Variants in LRBA observed in about 807,000 individuals in gnomAD.
LRBA encodes the protein lipopolysaccharide-responsive and beige-like anchor protein.
In LRBA, 176 loss-of-function variants were observed where a neutral mutation model predicts 330.0. That is an observed-to-expected ratio of 0.53 (90% CI 0.47 to 0.60). LRBA has a LOEUF of 0.60. LRBA is among the 20% of genes least tolerant of loss of function. The pLI is 0.00. For missense variants in LRBA, 3,259 were observed against 3,444.8 expected, an observed-to-expected ratio of 0.95 and a Z score of 1.35; for synonymous variants, 1,230 against 1,193.0, an observed-to-expected ratio of 1.03 and a Z score of -0.64.
chr4:150,838,222 C>T (rs566165695), intron 28 of LRBA, among the ~76,000 whole-genome samples: 1 of 152,170 alleles, frequency 6.6e-6, no homozygotes, highest in Non-Finnish European at 1.5e-5. Flanking sequence ...CTGCCCTTAA[C>T]ATTTTTTCCT....
chr4:150,562,253 G>A (rs928946687), intron 40 of LRBA, among the ~76,000 whole-genome samples: 19 of 152,108 alleles, frequency 1.2e-4, no homozygotes, highest in African/African-American at 4.6e-4. Context: ...TTCCATTGTT[G>A]CTGAGTATTC....
At chr4:150,954,654 G>A (rs1181535985) in intron 2 of LRBA, among the ~76,000 whole-genome samples, 3 of 149,926 alleles carry the variant, frequency 2.0e-5, no homozygotes, top group African/African-American at 7.6e-5. Context: ...CCTCTGCCTA[G>A]GAAAACCAGA....
At chr4:150,396,301 G>A (rs945521832) in intron 47 of LRBA, among the ~76,000 whole-genome samples, 15 of 152,110 alleles carry the variant, frequency 9.9e-5, no homozygotes, top group South Asian at 4.1e-4. Context: ...CCTACTCCTG[G>A]GAATTTAGGC....
intron 28 of LRBA, among the ~76,000 whole-genome samples, chr4:150,837,513 C>T (rs1748312493): frequency 1.3e-5 from 2 of 152,150 alleles, no homozygotes; most frequent in African/African-American, 2.4e-5. Context: ...GGATAGTTAG[C>T]TCTTCTTGTT....
intron 44 of LRBA, among the ~76,000 whole-genome samples, chr4:150,442,642 T>C (rs1751990873): frequency 6.6e-6 from 1 of 152,066 alleles, no homozygotes; most frequent in South Asian, 2.1e-4. Flanking sequence ...TCCCTAAAAG[T>C]AGGGTAGGCC....
chr4:150,632,169 T>TGCAGTGA (rs2126674346), intron 37 of LRBA, among the ~76,000 whole-genome samples: 1 of 151,320 alleles, frequency 6.6e-6, no homozygotes, highest in South Asian at 2.1e-4. Flanking sequence ...AGGCAGAGGT[T>TGCAGTGA]GCAGTGAGCA....
intron 40 of LRBA, among the ~76,000 whole-genome samples, chr4:150,563,753 G>C (rs1157260631): frequency 6.6e-6 from 1 of 152,044 alleles, no homozygotes; most frequent in Non-Finnish European, 1.5e-5. Context: ...GACAAACAGA[G>C]AGCCAAATCA....
chr4:150,767,753 T>C (rs1264013257), intron 34 of LRBA, among the ~76,000 whole-genome samples: 2 of 44,142 alleles, frequency 4.5e-5, no homozygotes, highest in Admixed American at 2.4e-4. Context: ...GCGAGACTTG[T>C]TGCAAAAAAA....
intron 2 of LRBA, among the ~76,000 whole-genome samples, chr4:150,943,966 G>A (rs1735955811): frequency 6.6e-6 from 1 of 152,138 alleles, no homozygotes; most frequent in East Asian, 1.9e-4. Flanking sequence ...TCAGTGAGAG[G>A]CTCACTTAGA....
At chr4:150,593,537 A>C (rs934205701) in intron 38 of LRBA, among the ~76,000 whole-genome samples, 2 of 152,212 alleles carry the variant, frequency 1.3e-5, no homozygotes, top group African/African-American at 4.8e-5. Context: ...CTTAGATGTA[A>C]GAAACAGAAA....
intron 48 of LRBA, among the ~76,000 whole-genome samples, chr4:150,345,731 TTA>T (rs1174738502): frequency 1.3e-5 from 2 of 152,242 alleles, no homozygotes; most frequent in African/African-American, 4.8e-5. Flanking sequence ...GTTCATTCTA[TTA>T]TATCAAACTG....
intron 47 of LRBA, among the ~76,000 whole-genome samples, chr4:150,407,817 A>G (rs1209828291): frequency 3.9e-5 from 6 of 152,186 alleles, no homozygotes; most frequent in Admixed American, 6.5e-5. Flanking sequence ...ATAAGCCAAG[A>G]AAGAAACCAC....
chr4:150,646,438 T>C (rs957946733), intron 37 of LRBA, among the ~76,000 whole-genome samples: 1 of 151,968 alleles, frequency 6.6e-6, no homozygotes, highest in African/African-American at 2.4e-5. Context: ...TCAGGAGAGG[T>C]TATCTTAGCA....
At position 150,445,715 on chromosome 4, in the gene LRBA, C is replaced by T. The variant is rs1752540574; in HGVS notation, c.6781-8851G>A. Among the ~76,000 whole-genome samples the T allele has an allele frequency of 4.6e-5, 7 of 152,138 alleles. No homozygotes were observed. In the South Asian group the frequency reaches 1.5e-3, roughly 32 times the overall value. On this transcript the variant is annotated intron_variant, in intron 44 of 56. Transcript: ENST00000651943. The stretch of plus-strand genomic sequence containing the variant: ...GCTCTTACTCTGTTACCCTGGCTCA[C>T]ATGCAGTGATACAGCCATAGCTCAC...
intron 47 of LRBA, among the ~76,000 whole-genome samples, chr4:150,403,774 T>C (rs190024166): frequency 1.4e-3 from 219 of 152,160 alleles, no homozygotes; most frequent in African/African-American, 4.9e-3. Flanking sequence ...GTAATCCCAG[T>C]ACTTTGGGAG....
At chr4:150,907,070 G>A (rs564532114) in intron 11 of LRBA, among the ~76,000 whole-genome samples, 14 of 150,134 alleles carry the variant, frequency 9.3e-5, no homozygotes, top group African/African-American at 2.9e-4. Flanking sequence ...AATTTTTAAA[G>A]ATCCCCGGAA....
chr4:150,344,459 GTTC>G (rs910345445), intron 48 of LRBA, among the ~76,000 whole-genome samples: 2 of 152,104 alleles, frequency 1.3e-5, no homozygotes, highest in Non-Finnish European at 2.9e-5. Context: ...GTACTTTTTA[GTTC>G]TTATTTGTTC....
intron 30 of LRBA, among the ~76,000 whole-genome samples, chr4:150,824,823 G>A (rs1228545961): frequency 6.6e-6 from 1 of 152,132 alleles, no homozygotes; most frequent in Non-Finnish European, 1.5e-5. Flanking sequence ...CACCCAGGCT[G>A]GAGTGCAGTG....
chr4:150,794,214 A>G (rs1371131344), intron 34 of LRBA, among the ~76,000 whole-genome samples: 1 of 152,154 alleles, frequency 6.6e-6, no homozygotes. Context: ...ATAAGTGGTA[A>G]GAAATGAGGT....
Sources: gnomAD v4.1 joint callset for allele counts (sites outside exome capture counted in the v4.1 genomes callset) on GRCh38, gnomAD v4.1.1 for gene constraint, MANE v1.5 for transcripts, NCBI Gene and HGNC (gene_info 2026-07-23, HGNC 2026-07-21) for gene names.